Variants in BEND7 observed in about 807,000 individuals in gnomAD.
The protein encoded by BEND7 is BEN domain-containing protein 7.
Under a neutral mutation model 50.9 loss-of-function variants are expected in BEND7, and 28 were observed. The observed-to-expected ratio is 0.55, with a 90% CI of 0.41 to 0.75. BEND7 has a LOEUF of 0.75. Ranked by LOEUF, BEND7 falls within the 30% of genes least tolerant of loss-of-function variation. The pLI is 0.00. For synonymous variants in BEND7, 170 were observed against 183.9 expected (o/e 0.92, Z 0.61); for missense variants, 477 against 491.3 (o/e 0.97, Z 0.28).
chr10:13,487,997 G>A (rs2076358447), intron 5 of BEND7, among the ~76,000 whole-genome samples: 1 of 150,958 alleles, frequency 6.6e-6, no homozygotes, highest in Non-Finnish European at 1.5e-5. Context: ...GGAAGCTGAG[G>A]CAGGAGAATT....
intron 6 of BEND7, among the ~76,000 whole-genome samples, chr10:13,458,755 C>G (rs1288935120): frequency 6.6e-6 from 1 of 152,202 alleles, no homozygotes; most frequent in Non-Finnish European, 1.5e-5. Flanking sequence ...AGGGACCCAA[C>G]TGGGGAGCAC....
In BEND7 at chr10:13,459,710, T is replaced by C. The variant is rs1839819658; in HGVS notation, c.1064-7052A>G. On this transcript the variant is annotated intron_variant, in intron 6 of 8. Coordinates refer to ENST00000466271, the MANE Select transcript of BEND7 (RefSeq NM_001369863.1). ...ACCCAACCCTACACACAATACTTGGTTGATACATCAACTAGAATGACAACT... is the reference window on the plus strand; with the variant it reads ...ACCCAACCCTACACACAATACTTGGCTGATACATCAACTAGAATGACAACT... 3 of 152,262 alleles carry C rather than the reference T, an allele frequency of 2.0e-5. No homozygotes were observed. In the South Asian group the frequency reaches 6.2e-4, roughly 32 times the overall value. 9.4% of individuals were successfully genotyped at this position (152,262 alleles called of 1,614,324 possible).
intron 5 of BEND7, among the ~76,000 whole-genome samples, chr10:13,488,381 T>C (rs924765893): frequency 1.3e-5 from 2 of 152,134 alleles, no homozygotes; most frequent in African/African-American, 4.8e-5. Context: ...AATCAATATA[T>C]ATAATCTTGA....
intron 7 of BEND7, among the ~76,000 whole-genome samples, chr10:13,450,617 T>C (rs1837457049): frequency 6.6e-6 from 1 of 152,178 alleles, no homozygotes; most frequent in South Asian, 2.1e-4. Context: ...CAGTTGTTAA[T>C]AGAACCTGCT....
chr10:13,475,515 A>T (rs2075358953), intron 6 of BEND7, among the ~76,000 whole-genome samples: 1 of 152,228 alleles, frequency 6.6e-6, no homozygotes, highest in Non-Finnish European at 1.5e-5. Flanking sequence ...AAGGGATCAA[A>T]CTTCTTTTTT....
intron 6 of BEND7, among the ~76,000 whole-genome samples, chr10:13,466,420 G>A (rs963658547): frequency 5.9e-5 from 9 of 152,068 alleles, no homozygotes; most frequent in African/African-American, 2.2e-4. Flanking sequence ...TTAGCTGGGC[G>A]TGGTGGCGCA....
chr10:13,440,108 G>A (rs1027911631), downstream of BEND7, among the ~76,000 whole-genome samples: 15 of 152,196 alleles, frequency 9.9e-5, no homozygotes, highest in Non-Finnish European at 1.8e-4. Context: ...ACTGAGGCAG[G>A]TGTGCAAGCG....
intron 6 of BEND7, among the ~76,000 whole-genome samples, chr10:13,455,649 C>G (rs183942143): frequency 2.6e-5 from 4 of 152,130 alleles, no homozygotes; most frequent in African/African-American, 9.6e-5. Flanking sequence ...AAGGCATCAC[C>G]CTGGGGGGGT....
intron 2 of BEND7, 34 bp from the exon 3 acceptor site, chr10:13,500,114 A>C: frequency 6.7e-7 from 1 of 1,487,444 alleles, no homozygotes; most frequent in Non-Finnish European, 9.1e-7. Flanking sequence ...AGCACTCTAA[A>C]TTAGTGAAAG....
intron 2 of BEND7, chr10:13,500,516 T>A (rs1469232397): frequency 3.0e-6 from 3 of 991,292 alleles, no homozygotes; most frequent in African/African-American, 3.5e-5. Flanking sequence ...TCACTGTCTG[T>A]CAGCTTCACC....
intron 4 of BEND7, among the ~76,000 whole-genome samples, chr10:13,494,500 G>A (rs1424446107): frequency 6.6e-6 from 1 of 152,238 alleles, no homozygotes; most frequent in Non-Finnish European, 1.5e-5. Context: ...CTCCAGGCAT[G>A]CTGCCTGGGA....
At chr10:13,527,994 C>T (rs117121007) in intron 1 of BEND7, among the ~76,000 whole-genome samples, 1 of 152,220 alleles carries the variant, frequency 6.6e-6, no homozygotes. Context: ...GTCAACAATT[C>T]CGCCTTGGGC....
At chr10:13,519,747 C>T (rs926321099) in intron 2 of BEND7, among the ~76,000 whole-genome samples, 1 of 152,162 alleles carries the variant, frequency 6.6e-6, no homozygotes, top group African/African-American at 2.4e-5. Context: ...CTCTCTGCTA[C>T]GCTATGTAAA....
intron 5 of BEND7, among the ~76,000 whole-genome samples, chr10:13,488,703 T>G (rs896471037): frequency 4.3e-4 from 66 of 152,218 alleles, no homozygotes; most frequent in Middle Eastern, 6.8e-3. Context: ...TGGCCAGGAC[T>G]GTCTCAATCT....
intron 5 of BEND7, among the ~76,000 whole-genome samples, chr10:13,481,891 A>C (rs2075886262): frequency 6.6e-6 from 1 of 152,212 alleles, no homozygotes; most frequent in Admixed American, 6.5e-5. Flanking sequence ...TTCAACTTGG[A>C]CGCTATCGCA....
At chr10:13,529,552 A>T (rs554912479), upstream of BEND7, among the ~76,000 whole-genome samples, 7 of 152,250 alleles carry the variant, frequency 4.6e-5, no homozygotes, top group East Asian at 1.2e-3. Context: ...GCCGAGTCAC[A>T]TTCAAGGAGA....
In BEND7 at chr10:13,441,455, T is replaced by G; in HGVS notation, c.*288A>C. On this transcript the variant is annotated 3_prime_UTR_variant, in exon 9 of 9. Transcript: ENST00000466271. ...GTAGATCCGTTCATCGCACACATCT[T>G]TGGGTTGAACAAGCTCCACCCGTCC... 4 of 1,283,814 alleles carry G rather than the reference T, an allele frequency of 3.1e-6. No individual in the cohort carries two copies. The highest frequency in any genetic ancestry group is 5.4e-5 in the South Asian group (2 of 36,772). The allele number at this position is 1,283,814 out of a possible 1,614,324, so 79.5% of individuals were successfully genotyped here.
chr10:13,459,219 A>C (rs1839695405), intron 6 of BEND7, among the ~76,000 whole-genome samples: 1 of 152,170 alleles, frequency 6.6e-6, no homozygotes. Context: ...ATGGTGGCCA[A>C]CTGGGGAGAG....
At chr10:13,444,138 C>T (rs899717941) in intron 8 of BEND7, 1 of 152,078 alleles carries the variant, frequency 6.6e-6, no homozygotes, top group Admixed American at 6.6e-5. Context: ...CTCCACACAT[C>T]TGTGCTATAG....
Sources: gnomAD v4.1 joint callset for allele counts (sites outside exome capture counted in the v4.1 genomes callset) on GRCh38, gnomAD v4.1.1 for gene constraint, MANE v1.5 for transcripts, NCBI Gene and HGNC (gene_info 2026-07-23, HGNC 2026-07-21) for gene names.